Variants in HECW1 observed in about 807,000 individuals in gnomAD.
The protein encoded by HECW1 is HECT, C2 and WW domain containing E3 ubiquitin protein ligase 1.
A neutral mutation model predicts 182.3 loss-of-function variants in HECW1; 61 were observed. The ratio of observed to expected loss-of-function variants is 0.33; its 90% CI spans 0.27 to 0.41. The LOEUF is 0.41. Among genes scored for constraint, HECW1 ranks in the 10% least tolerant of loss-of-function variants. HECW1 has a pLI of 1.00. For missense variants in HECW1, 1,739 were observed against 2,108.9 expected, an observed-to-expected ratio of 0.82 and a Z score of 3.44; for synonymous variants, 859 against 832.6, an observed-to-expected ratio of 1.03 and a Z score of -0.55.
At chr7:43,128,194 A>G (rs1786495413) in intron 2 of HECW1, among the ~76,000 whole-genome samples, 1 of 152,188 alleles carries the variant, frequency 6.6e-6, no homozygotes, top group Non-Finnish European at 1.5e-5. Flanking sequence ...ATAGATTTTC[A>G]ATGCAGATAA....
At position 43,554,766 on chromosome 7, in the gene HECW1, G is replaced by T. The variant is rs765424956; in HGVS notation, c.4685G>T (p.Trp1562Leu). 5.6e-6 allele frequency: 9 copies of T among 1,613,786 alleles called. No homozygotes were observed. Among genetic ancestry groups the T allele is most frequent in the Non-Finnish European group, 7.6e-6 (9 of 1,179,874 alleles). Residue 1562 changes from tryptophan to leucine, a missense_variant, in exon 29 of 30, where the codon TGG (tryptophan) becomes TTG (leucine). Physicochemically the swap from Trp to Leu is moderately conservative, Grantham distance 61. Transcript: ENST00000395891. ...CTTCGGCGCTTCTGCATAGAGAAAT[G>T]GGGGAAAATTACTTCTCTCCCCAGG... ...NGLRRFCIEK[W>L]GKITSLPRAH... is the part of the protein sequence containing the mutation.
intron 2 of HECW1, among the ~76,000 whole-genome samples, chr7:43,124,203 A>G (rs1258681573): frequency 6.6e-6 from 1 of 152,268 alleles, no homozygotes; most frequent in Non-Finnish European, 1.5e-5. Context: ...CTTCACTGTT[A>G]GAACTCCTGC....
chr7:43,329,318 G>A (rs561583496), intron 5 of HECW1, among the ~76,000 whole-genome samples: 8 of 152,218 alleles, frequency 5.3e-5, no homozygotes, highest in Non-Finnish European at 1.2e-4. Flanking sequence ...CTATGCAAAT[G>A]CTTTAAGTAG....
chr7:43,198,070 A>ACT (rs551011279), intron 2 of HECW1, among the ~76,000 whole-genome samples: 348 of 148,346 alleles, frequency 2.3e-3, no homozygotes, highest in African/African-American at 8.3e-3. Context: ...CCACACACAC[A>ACT]CTCTCTTACA....
At chr7:43,421,540 C>T (rs999322944) in intron 8 of HECW1, among the ~76,000 whole-genome samples, 1 of 152,070 alleles carries the variant, frequency 6.6e-6, no homozygotes, top group East Asian at 1.9e-4. Flanking sequence ...TAGGTGACAG[C>T]TAATATCTAG....
chr7:43,493,393 A>G (rs79096823), intron 19 of HECW1, among the ~76,000 whole-genome samples: 24,464 of 152,194 alleles, frequency 0.16, 2,524 homozygotes, highest in South Asian at 0.23. Flanking sequence ...ATTACATATC[A>G]TTTATATGGT....
intron 2 of HECW1, among the ~76,000 whole-genome samples, chr7:43,236,994 A>C (rs1302806170): frequency 6.6e-6 from 1 of 152,128 alleles, no homozygotes; most frequent in Non-Finnish European, 1.5e-5. Flanking sequence ...TGAAACCAAA[A>C]AAAAACTAAC....
chr7:43,356,155 T>G (rs900211720), intron 5 of HECW1, among the ~76,000 whole-genome samples: 5 of 152,104 alleles, frequency 3.3e-5, no homozygotes, highest in Non-Finnish European at 5.9e-5. Flanking sequence ...ATGCTGCCTA[T>G]AAGAAACCCA....
chr7:43,554,939 T>A, intron 29 of HECW1, 149 bp downstream of exon 29: 1 of 724,234 alleles, frequency 1.4e-6, no homozygotes, highest in Non-Finnish European at 2.2e-6. Context: ...AAGGTGAAGG[T>A]GAGGTGGCTG....
intron 24 of HECW1, among the ~76,000 whole-genome samples, chr7:43,513,655 G>T (rs62458258): frequency 8.3e-6 from 1 of 119,966 alleles, no homozygotes; most frequent in Admixed American, 8.3e-5. Context: ...TAAGTAAGCT[G>T]GAAAAAAAAA....
intron 26 of HECW1, among the ~76,000 whole-genome samples, chr7:43,544,941 G>A (rs2152955487): frequency 6.6e-6 from 1 of 152,312 alleles, no homozygotes; most frequent in South Asian, 2.1e-4. Context: ...AGAACAGTGT[G>A]TAAAACACAC....
chr7:43,136,998 C>T (rs904273128), intron 2 of HECW1, among the ~76,000 whole-genome samples: 7 of 152,128 alleles, frequency 4.6e-5, no homozygotes, highest in African/African-American at 1.7e-4. Flanking sequence ...TCTTCTTGCC[C>T]TTAAATCTTG....
chr7:43,209,891 T>C (rs974357927), intron 2 of HECW1, among the ~76,000 whole-genome samples: 43 of 152,184 alleles, frequency 2.8e-4, no homozygotes, highest in Non-Finnish European at 1.0e-4. Context: ...CGAGGTCATC[T>C]GCCGTGCCCA....
chr7:43,175,236 T>C (rs934019699), intron 2 of HECW1, among the ~76,000 whole-genome samples: 2 of 152,140 alleles, frequency 1.3e-5, no homozygotes, highest in African/African-American at 2.4e-5. Flanking sequence ...TTAACATTCA[T>C]TCCCTCGCAC....
At chr7:43,558,010 A>T (rs2082087606) in intron 29 of HECW1, among the ~76,000 whole-genome samples, 1 of 152,256 alleles carries the variant, frequency 6.6e-6, no homozygotes, top group African/African-American at 2.4e-5. Context: ...TGGAATTGAC[A>T]GCAGGGAGTG....
chr7:43,245,434 G>A (rs891553752), intron 3 of HECW1: 1 of 152,202 alleles, frequency 6.6e-6, no homozygotes, highest in African/African-American at 2.4e-5. Flanking sequence ...TTCCTTCTGA[G>A]TGCATTTCAC....
At chr7:43,130,279 A>G (rs1786766902) in intron 2 of HECW1, among the ~76,000 whole-genome samples, 1 of 152,224 alleles carries the variant, frequency 6.6e-6, no homozygotes, top group Admixed American at 6.5e-5. Flanking sequence ...AAATAGTTGC[A>G]TATACACAAT....
intron 12 of HECW1, among the ~76,000 whole-genome samples, chr7:43,451,898 A>T (rs926623401): frequency 3.9e-5 from 6 of 152,242 alleles, no homozygotes; most frequent in Admixed American, 3.9e-4. Flanking sequence ...GCCTGTGCTT[A>T]CATGAAGCAG....
chr7:43,188,018 G>T (rs1445959378), intron 2 of HECW1, among the ~76,000 whole-genome samples: 2 of 152,172 alleles, frequency 1.3e-5, no homozygotes, highest in Non-Finnish European at 2.9e-5. Flanking sequence ...ATACCTTGTA[G>T]GAAGGACTAA....
Sources: allele counts gnomAD v4.1 joint callset (sites outside exome capture counted in the v4.1 genomes callset), GRCh38; gene constraint gnomAD v4.1.1; transcripts MANE v1.5; gene names NCBI Gene and HGNC (gene_info 2026-07-23, HGNC 2026-07-21).